Variants in USP8 observed in about 807,000 individuals in gnomAD.
The protein encoded by USP8 is ubiquitin carboxyl-terminal hydrolase 8.
USP8 carries 27 observed loss-of-function variants against 130.0 expected under a neutral mutation model. That is an observed-to-expected ratio of 0.21 (90% CI 0.15 to 0.29). The LOEUF is 0.29. USP8 is among the 10% of genes least tolerant of loss of function. USP8 has a pLI of 1.00. For missense variants in USP8, 1,029 were observed against 1,312.2 expected, an observed-to-expected ratio of 0.78 and a Z score of 3.33; for synonymous variants, 392 against 444.1, an observed-to-expected ratio of 0.88 and a Z score of 1.48.
chr15:50,428,873 C>A (rs184766063), intron 1 of USP8, among the ~76,000 whole-genome samples: 1 of 152,130 alleles, frequency 6.6e-6, no homozygotes, highest in South Asian at 2.1e-4. Flanking sequence ...TCTGCTTTTA[C>A]ACTTTGAAGC....
In USP8 at chr15:50,452,920, A is replaced by G. The variant is rs752678024; in HGVS notation, c.335+3435A>G. Among the ~76,000 whole-genome samples the G allele has an allele frequency of 2.4e-4, 37 of 152,340 alleles. 1 individual carries two copies. The highest frequency in any genetic ancestry group is 1.9e-3 in the East Asian group (10 of 5,194). On this transcript the variant is annotated intron_variant, in intron 4 of 19. Transcript: ENST00000307179. ...TCGTCCTGGCACTCTAGTGATTTGC[A>G]TTGAGGAGGCAAGGTAAAACAGTTG...
intron 11 of USP8, among the ~76,000 whole-genome samples, chr15:50,483,864 G>A (rs890989193): frequency 2.0e-5 from 3 of 151,716 alleles, no homozygotes; most frequent in Non-Finnish European, 4.4e-5. Context: ...TTTACTATTG[G>A]TCTGTATCTT....
intron 12 of USP8, among the ~76,000 whole-genome samples, chr15:50,489,172 T>C (rs1793279085): frequency 6.6e-6 from 1 of 152,234 alleles, no homozygotes; most frequent in African/African-American, 2.4e-5. Context: ...TTTTTACTTA[T>C]ATAACATTTC....
At chr15:50,465,646 G>T (rs1464901995) in intron 7 of USP8, among the ~76,000 whole-genome samples, 2 of 152,096 alleles carry the variant, frequency 1.3e-5, no homozygotes, top group African/African-American at 4.8e-5. Flanking sequence ...ATTATTTTCT[G>T]TTTATAAGCA....
chr15:50,471,503 C>G, intron 7 of USP8, 130 bp from the exon 8 acceptor site: 2 of 916,972 alleles, frequency 2.2e-6, no homozygotes, highest in South Asian at 3.6e-5. Context: ...ATAACCTCAC[C>G]TTAGAAAGGA....
In USP8 at chr15:50,429,922, G is replaced by T. The variant is rs566703117; in HGVS notation, c.-66+5408G>T. On this transcript the variant is annotated intron_variant, in intron 1 of 19. Coordinates refer to ENST00000307179, the MANE Select transcript of USP8 (RefSeq NM_005154.5). The stretch of plus-strand genomic sequence containing the variant: ...TAGAAGACAAAAGAAATGGATTAAA[G>T]TTATAAATGTAGATAGACATCTATT... Among the ~76,000 whole-genome samples the T allele has an allele frequency of 2.0e-5, 3 of 152,288 alleles. No homozygotes were observed. In the East Asian group the frequency reaches 5.8e-4, roughly 29 times the overall value.
intron 10 of USP8, among the ~76,000 whole-genome samples, chr15:50,479,487 A>T (rs2051688251): frequency 6.6e-6 from 1 of 152,194 alleles, no homozygotes; most frequent in Admixed American, 6.5e-5. Flanking sequence ...AGGCACAAGG[A>T]ACCATTAAAG....
At chr15:50,448,906 C>G (rs907099029) in intron 3 of USP8, among the ~76,000 whole-genome samples, 8 of 152,040 alleles carry the variant, frequency 5.3e-5, no homozygotes, top group Admixed American at 5.2e-4. Flanking sequence ...TTTTATGTAT[C>G]AAAAGTGTTT....
chr15:50,477,002 G>A lies in USP8; in HGVS notation c.994+9G>A. On this transcript the variant is annotated intron_variant, in intron 9 of 19. Coordinates refer to ENST00000307179, the MANE Select transcript of USP8 (RefSeq NM_005154.5). ...AGAGGTGTCTATCTCATGTATGTAT[G>A]TGAAAATTTTTGTTTAAAATTGCTT... 6.3e-7 allele frequency: 1 copy of A among 1,594,544 alleles called. No homozygotes were observed. The highest frequency in any genetic ancestry group is 2.2e-5 in the East Asian group (1 of 44,726).
At chr15:50,498,359 A>G (rs62019115) in intron 18 of USP8, 66,805 of 425,866 alleles carry the variant, frequency 0.16, 6,369 homozygotes, top group Admixed American at 0.28. Context: ...TCCTACCTCT[A>G]CCATTCTGGC....
In USP8 at chr15:50,490,467, A is replaced by T; in HGVS notation, c.2176A>T (p.Ile726Phe). 1 of 1,614,222 alleles carries T rather than the reference A, an allele frequency of 6.2e-7. No homozygotes were observed. The highest frequency in any genetic ancestry group is 1.1e-5 in the South Asian group (1 of 91,088). The change falls in exon 14 of 20, where the codon ATT becomes TTT. Residue 726 changes from isoleucine (I) to phenylalanine (F), a missense_variant. Physicochemically the swap from Ile to Phe is conservative, Grantham distance 21. This residue lies in a region of USP8 where 486 missense variants were observed against 522.0 expected (regional missense o/e 0.93). Transcript: ENST00000307179. ...SYSSPDITQA[I>F]QEEEKRKPTV... ...CTCCTCCCCAGATATAACCCAGGCT[A>T]TTCAAGAGGAAGAGAAGAGGAAGCC...
At chr15:50,447,395 C>CA (rs1471560378) in intron 3 of USP8, among the ~76,000 whole-genome samples, 1 of 152,124 alleles carries the variant, frequency 6.6e-6, no homozygotes. Flanking sequence ...CACGTGCCTC[C>CA]ACGCCTGGCT....
At chr15:50,471,512 GA>G in intron 7 of USP8, 120 bp from the exon 8 acceptor site, 1 of 1,000,504 alleles carries the variant, frequency 1.0e-6, no homozygotes, top group Non-Finnish European at 1.4e-6. Flanking sequence ...CCTTAGAAAG[GA>G]ATCTACTTAA....
chr15:50,439,485 G>A (rs191275553), intron 2 of USP8, among the ~76,000 whole-genome samples: 157 of 152,152 alleles, frequency 1.0e-3, no homozygotes, highest in African/African-American at 3.6e-3. Flanking sequence ...TTCATAAAAC[G>A]ATACAAAAAT....
chr15:50,478,586 G>A (rs1380404011), intron 10 of USP8, among the ~76,000 whole-genome samples: 1 of 152,092 alleles, frequency 6.6e-6, no homozygotes, highest in Non-Finnish European at 1.5e-5. Context: ...CTAAATAGAT[G>A]TGATTAAACA....
chr15:50,441,800 TTAAG>T (rs1425606876), intron 3 of USP8, among the ~76,000 whole-genome samples: 2 of 152,130 alleles, frequency 1.3e-5, no homozygotes, highest in Non-Finnish European at 2.9e-5. Flanking sequence ...AGTTTGCTCA[TTAAG>T]TAAGAAAACA....
rs1265287287 is a variant in USP8, at chr15:50,508,440, A to G, written c.*9352A>G. ...GGTTTGTTATGCTGTCCAATTTTGT[A>G]TATGTTTGAAATATTCTATAATAAA... On this transcript the variant is annotated 3_prime_UTR_variant, in exon 20 of 20. Coordinates refer to ENST00000307179, the MANE Select transcript of USP8 (RefSeq NM_005154.5). The G allele has an allele frequency of 6.6e-6, 1 of 152,184 alleles. No homozygotes were observed. Among genetic ancestry groups the G allele is most frequent in the African/African-American group, 2.4e-5 (1 of 41,432 alleles). The allele number at this position is 152,184 out of a possible 1,614,324, so 9.4% of individuals were successfully genotyped here.
chr15:50,492,796 C>T lies in USP8; in HGVS notation c.2330C>T (p.Thr777Ile). 6.2e-7 allele frequency: 1 copy of T among 1,614,174 alleles called. No individual in the cohort carries two copies. Among genetic ancestry groups the T allele is most frequent in the Non-Finnish European group, 8.5e-7 (1 of 1,180,030 alleles). ...PVFGGSGPAL[T>I]GLRNLGNTCY... ...TTTGGAGGTTCTGGACCAGCTCTTA[C>T]TGGACTTCGTAACTTAGGAAATACT... is the stretch of plus-strand genomic sequence containing the variant. Residue 777 changes from threonine (T) to isoleucine (I), a missense_variant, in exon 15 of 20, where the codon ACT becomes ATT. Thr to Ile is a moderately conservative substitution (Grantham distance 89, BLOSUM62 -1). Coordinates refer to ENST00000307179, the MANE Select transcript of USP8 (RefSeq NM_005154.5).
At chr15:50,478,374 A>G (rs1406144903) in intron 10 of USP8, among the ~76,000 whole-genome samples, 1 of 152,136 alleles carries the variant, frequency 6.6e-6, no homozygotes, top group African/African-American at 2.4e-5. Flanking sequence ...CCCTCCATGC[A>G]TTTCCCAATA....
Sources: gnomAD v4.1 joint callset for allele counts (sites outside exome capture counted in the v4.1 genomes callset) on GRCh38, gnomAD v4.1.1 for gene constraint, gnomAD v4.1.1 regional missense constraint, MANE v1.5 for transcripts, NCBI Gene and HGNC (gene_info 2026-07-23, HGNC 2026-07-21) for gene names.